ZNF407: variants seen among roughly 807,000 people sequenced by gnomAD.
ZNF407 encodes the protein zinc finger protein 407.
In ZNF407, 17 loss-of-function variants were observed where a neutral mutation model predicts 131.2. The ratio of observed to expected loss-of-function variants is 0.13; its 90% CI spans 0.09 to 0.19. ZNF407 has a LOEUF of 0.19. ZNF407 is among the 10% of genes least tolerant of loss of function. The pLI is 1.00. For missense variants in ZNF407, 2,681 were observed against 2,830.6 expected (o/e 0.95, Z 1.20); for synonymous variants, 1,156 against 1,062.0 (o/e 1.09, Z -1.72).
At chr18:74,662,346 G>C (rs578102119) in intron 3 of ZNF407, among the ~76,000 whole-genome samples, 1 of 152,096 alleles carries the variant, frequency 6.6e-6, no homozygotes, top group African/African-American at 2.4e-5. Flanking sequence ...AAGTGATTTT[G>C]CATTTTAATC....
intron 8 of ZNF407, among the ~76,000 whole-genome samples, chr18:75,027,206 G>C (rs1973181687): frequency 6.6e-6 from 1 of 152,192 alleles, no homozygotes; most frequent in Admixed American, 6.5e-5. Flanking sequence ...TTTGCAGAGT[G>C]AGCTGTGCGG....
At chr18:74,910,450 A>G (rs1971654208) in intron 7 of ZNF407, among the ~76,000 whole-genome samples, 1 of 152,026 alleles carries the variant, frequency 6.6e-6, no homozygotes, top group African/African-American at 2.4e-5. Flanking sequence ...ATTAAGGTTA[A>G]TTTTATATTG....
intron 3 of ZNF407, among the ~76,000 whole-genome samples, chr18:74,647,737 GTTTTCT>G: frequency 6.6e-6 from 1 of 152,308 alleles, no homozygotes; most frequent in Non-Finnish European, 1.5e-5. Context: ...AGATCCTCGT[GTTTTCT>G]TTTTTGTGTG....
In ZNF407 at chr18:75,064,857, G is replaced by A. The variant is rs1462492076; in HGVS notation, c.*389G>A. 1 of 171,390 alleles carries A rather than the reference G, an allele frequency of 5.8e-6. No individual in the cohort carries two copies. The highest frequency in any genetic ancestry group is 1.6e-4 in the East Asian group (1 of 6,168). The allele number at this position is 171,390 out of a possible 1,614,324, so 10.6% of individuals were successfully genotyped here. A position where few individuals can be genotyped will look rare whatever the true frequency, so the allele number is the denominator to read the frequency against. ...TCAGTTATCAGAAGGTCATGGCCGT[G>A]GGGAAAGTGGTGAAGATACCCCTCC... On this transcript the variant is annotated 3_prime_UTR_variant, in exon 9 of 9. Coordinates refer to ENST00000299687, the MANE Select transcript of ZNF407 (RefSeq NM_017757.3).
chr18:74,814,123 G>C (rs1970235907), intron 4 of ZNF407, among the ~76,000 whole-genome samples: 1 of 151,986 alleles, frequency 6.6e-6, no homozygotes, highest in Admixed American at 6.6e-5. Context: ...CTCCTTATTG[G>C]TTTTGTTTGT....
intron 3 of ZNF407, among the ~76,000 whole-genome samples, chr18:74,729,928 T>G (rs1487301880): frequency 6.6e-6 from 1 of 152,244 alleles, no homozygotes; most frequent in Non-Finnish European, 1.5e-5. Context: ...CATTATATAG[T>G]CAATAACTTG....
chr18:74,840,944 G>A (rs1375176878), intron 4 of ZNF407, among the ~76,000 whole-genome samples: 1 of 152,162 alleles, frequency 6.6e-6, no homozygotes, highest in African/African-American at 2.4e-5. Context: ...CTGAAAGTGA[G>A]AACACATGAC....
intron 6 of ZNF407, among the ~76,000 whole-genome samples, chr18:74,888,400 C>T (rs1431525735): frequency 6.6e-6 from 1 of 151,946 alleles, no homozygotes; most frequent in Non-Finnish European, 1.5e-5. Flanking sequence ...TAACCAAATT[C>T]AAATTATTAT....
intron 3 of ZNF407, among the ~76,000 whole-genome samples, chr18:74,673,369 G>C (rs550777540): frequency 1.1e-3 from 175 of 152,270 alleles, no homozygotes; most frequent in African/African-American, 3.9e-3. Context: ...GCCCTTTCCA[G>C]CTTGTCCAGG....
chr18:75,008,007 C>G (rs1972931592), intron 8 of ZNF407, among the ~76,000 whole-genome samples: 1 of 152,096 alleles, frequency 6.6e-6, no homozygotes, highest in African/African-American at 2.4e-5. Context: ...TGCACAGGCT[C>G]AAGGGGAATA....
chr18:74,769,632 C>G (rs2144996973), intron 3 of ZNF407, among the ~76,000 whole-genome samples: 1 of 152,288 alleles, frequency 6.6e-6, no homozygotes, highest in Non-Finnish European at 1.5e-5. Context: ...CATTAATGAT[C>G]TCATTTCGTC....
In ZNF407 at chr18:74,810,979, AAAAAC is replaced by A. The variant is rs1340695573; in HGVS notation, c.4877+29489_4877+29493del. 2.6e-5 allele frequency among the ~76,000 whole-genome samples: 4 copies of A among 152,250 alleles called. No homozygotes were observed. In the East Asian group the frequency reaches 5.8e-4, roughly 22 times the overall value. ...GTCTAAAACACCAAAAGCAATGGCC[AAAAAC>A]AAAACAAAACACCAAAAACAAAAGC... On this transcript the variant is annotated intron_variant, in intron 4 of 8. Coordinates refer to ENST00000299687, the MANE Select transcript of ZNF407 (RefSeq NM_017757.3).
chr18:74,886,175 C>T (rs1971305923), intron 6 of ZNF407, among the ~76,000 whole-genome samples: 1 of 152,030 alleles, frequency 6.6e-6, no homozygotes, highest in Non-Finnish European at 1.5e-5. Flanking sequence ...GATACTTCCC[C>T]AAAGAATATA....
intron 4 of ZNF407, among the ~76,000 whole-genome samples, chr18:74,867,201 C>T (rs1971024761): frequency 6.6e-6 from 1 of 152,192 alleles, no homozygotes; most frequent in Non-Finnish European, 1.5e-5. Flanking sequence ...GTGTCTAATG[C>T]AGACACTACT....
intron 4 of ZNF407, among the ~76,000 whole-genome samples, chr18:74,807,665 A>T (rs1041863487): frequency 6.6e-6 from 1 of 152,214 alleles, no homozygotes; most frequent in Non-Finnish European, 1.5e-5. Flanking sequence ...TGTTAACACC[A>T]TGATGATTTG....
rs994398063 is a variant in ZNF407 at position 74,675,013 on chromosome 18, A to T, written c.4802+33891A>T. 5.3e-5 allele frequency among the ~76,000 whole-genome samples: 8 copies of T among 152,270 alleles called. No homozygotes were observed. The East Asian group carries it at 1.5e-3, about 29-fold the overall frequency. The stretch of plus-strand genomic sequence containing the variant: ...AAATGTTGGTTTGTGTTTTCTGAAG[A>T]TGTCTCAAACTTAATATGGTCCAAA... On this transcript the variant is annotated intron_variant, in intron 3 of 8. Transcript: ENST00000299687.
chr18:74,747,768 A>T (rs1440010904), intron 3 of ZNF407, among the ~76,000 whole-genome samples: 1 of 152,192 alleles, frequency 6.6e-6, no homozygotes. Context: ...CTTAGTTAAA[A>T]TGTCAATATT....
chr18:74,644,088 T>C lies in ZNF407; in HGVS notation c.4802+2966T>C, dbSNP rs554479977. 4.6e-5 allele frequency among the ~76,000 whole-genome samples: 7 copies of C among 152,060 alleles called. No individual in the cohort carries two copies. In the East Asian group the frequency reaches 1.3e-3, roughly 29 times the overall value. ...CATGTCATGGTAAAAATTTCAAAAATGTATTGCTTTGTACATCATGTTTTA... is the reference window on the plus strand; with the variant it reads ...CATGTCATGGTAAAAATTTCAAAAACGTATTGCTTTGTACATCATGTTTTA... On this transcript the variant is annotated intron_variant, in intron 3 of 8. Coordinates refer to ENST00000299687, the MANE Select transcript of ZNF407 (RefSeq NM_017757.3).
intron 3 of ZNF407, among the ~76,000 whole-genome samples, chr18:74,672,590 CTGTT>C (rs776613763): frequency 1.6e-4 from 23 of 144,258 alleles, no homozygotes; most frequent in Non-Finnish European, 3.0e-4. Flanking sequence ...CACTGTTTGT[CTGTT>C]TGTTGGAGCA....
Sources: gnomAD v4.1 joint callset for allele counts (sites outside exome capture counted in the v4.1 genomes callset) on GRCh38, gnomAD v4.1.1 for gene constraint, MANE v1.5 for transcripts, NCBI Gene and HGNC (gene_info 2026-07-23, HGNC 2026-07-21) for gene names.